ABCC1: variants seen among roughly 807,000 people sequenced by gnomAD.
ABCC1 encodes multidrug resistance-associated protein 1.
ABCC1 carries 83 observed loss-of-function variants against 172.9 expected under a neutral mutation model. The ratio of observed to expected loss-of-function variants is 0.48; its 90% CI spans 0.40 to 0.58. The LOEUF (loss-of-function observed/expected upper bound fraction) is 0.58. Among genes scored for constraint, ABCC1 ranks in the 20% least tolerant of loss-of-function variants. ABCC1 has a pLI of 0.00. For synonymous variants in ABCC1, 937 were observed against 825.2 expected (o/e 1.14, Z -2.32); for missense variants, 1,817 against 2,002.7 (o/e 0.91, Z 1.77).
intron 8 of ABCC1, among the ~76,000 whole-genome samples, chr16:16,045,209 C>T (rs540259740): frequency 6.6e-6 from 1 of 151,916 alleles, no homozygotes; most frequent in East Asian, 2.0e-4. Context: ...CAAGACCAGC[C>T]TGGCCAGCAT....
intron 19 of ABCC1, 73 bp from the exon 20 acceptor site, chr16:16,102,554 G>A (rs1020873166): frequency 2.0e-5 from 29 of 1,420,998 alleles, no homozygotes; most frequent in African/African-American, 4.3e-5. Flanking sequence ...TGAAGTGGCC[G>A]GTTTTTGTTG....
Position 16,036,540 on chromosome 16 carries a change from C to G in ABCC1, c.746C>G (p.Thr249Arg). The G allele has an allele frequency of 2.5e-6, 4 of 1,614,052 alleles. No individual in the cohort carries two copies. In the South Asian group the frequency reaches 3.3e-5, roughly 13 times the overall value. Reference sequence around the variant, plus strand: ...CTCTGGTCCTTAAACAAGGAGGACACGTCGGAACAAGTCGTGCCTGTTTTG... The same window carrying G: ...CTCTGGTCCTTAAACAAGGAGGACAGGTCGGAACAAGTCGTGCCTGTTTTG... Reference protein sequence around the residue: ...SDLWSLNKEDTSEQVVPVLVK... With the variant: ...SDLWSLNKEDRSEQVVPVLVK... The change falls in exon 7 of 31, where the codon ACG (threonine) becomes AGG (arginine). Residue 249 changes from threonine to arginine, a missense_variant. Thr to Arg is a moderately conservative substitution (Grantham distance 71). Transcript: ENST00000399410.
chr16:16,023,218 T>A (rs1419461056), intron 5 of ABCC1, among the ~76,000 whole-genome samples: 1 of 152,210 alleles, frequency 6.6e-6, no homozygotes, highest in African/African-American at 2.4e-5. Flanking sequence ...CTAGTTTTTT[T>A]GATATCTGAA....
intron 7 of ABCC1, among the ~76,000 whole-genome samples, chr16:16,037,275 C>T (rs2048793534): frequency 1.3e-5 from 2 of 152,094 alleles, no homozygotes; most frequent in Admixed American, 6.6e-5. Flanking sequence ...CAGCTGACCA[C>T]GTAAGTCTGT....
intron 20 of ABCC1, among the ~76,000 whole-genome samples, chr16:16,103,396 A>G (rs1033740712): frequency 3.3e-5 from 5 of 151,866 alleles, no homozygotes; most frequent in African/African-American, 4.8e-5. Context: ...CCTGGCCAAC[A>G]TGATGAAACC....
At chr16:16,136,317 C>A (rs1296093392) in intron 28 of ABCC1, among the ~76,000 whole-genome samples, 161 bp from the exon 29 acceptor site, 3 of 152,164 alleles carry the variant, frequency 2.0e-5, no homozygotes, top group Non-Finnish European at 4.4e-5. Flanking sequence ...AACCACCGTA[C>A]CTGGCCTTTT....
At chr16:16,130,169 T>A (rs766543901) in intron 26 of ABCC1, among the ~76,000 whole-genome samples, 1 of 152,206 alleles carries the variant, frequency 6.6e-6, no homozygotes, top group Admixed American at 6.5e-5. Flanking sequence ...GAAAGGACCC[T>A]CCCACATGGG....
intron 21 of ABCC1, among the ~76,000 whole-genome samples, chr16:16,111,060 C>T (rs1045439941): frequency 3.3e-5 from 5 of 152,224 alleles, no homozygotes; most frequent in Middle Eastern, 3.4e-3. Context: ...ACCACACACC[C>T]GGCTAACTTT....
At chr16:16,110,962 G>T (rs2052360817) in intron 21 of ABCC1, among the ~76,000 whole-genome samples, 1 of 152,132 alleles carries the variant, frequency 6.6e-6, no homozygotes, top group Admixed American at 6.5e-5. Flanking sequence ...GTGCAGTGGG[G>T]CAATCTTGGC....
At chr16:16,087,543 C>T (rs561041521) in intron 18 of ABCC1, among the ~76,000 whole-genome samples, 6 of 152,212 alleles carry the variant, frequency 3.9e-5, no homozygotes, top group South Asian at 2.1e-4. Flanking sequence ...CTGCAACCTC[C>T]GCATCTCGGG....
rs1331414268 is a variant in ABCC1 at position 16,094,289 on chromosome 16, G to A, written c.2644+3701G>A. 3 of 265,420 alleles carry A rather than the reference G, an allele frequency of 1.1e-5. No individual in the cohort carries two copies. In the Admixed American group the frequency reaches 1.2e-4, roughly 11 times the overall value. The allele number at this position is 265,420 out of a possible 1,614,324, so 16.4% of individuals were successfully genotyped here. ...CTGCATCTGAACCCTTAAGTTCAGTGTGACTCTCTGTATTTTTAAGCATGT... is the reference window on the plus strand; with the variant it reads ...CTGCATCTGAACCCTTAAGTTCAGTATGACTCTCTGTATTTTTAAGCATGT... On this transcript the variant is annotated intron_variant, in intron 19 of 30. Transcript: ENST00000399410.
chr16:16,111,472 T>A lies in ABCC1; in HGVS notation c.2969T>A (p.Leu990Gln). 2 of 1,614,200 alleles carry A rather than the reference T, an allele frequency of 1.2e-6. No individual in the cohort carries two copies. The highest frequency in any genetic ancestry group is 1.7e-6 in the Non-Finnish European group (2 of 1,180,014). ...TTCATGTGTAACCATGTGTCCGCGC[T>A]GGCTTCCAACTATTGGCTCAGCCTC... ...FLFMCNHVSA[L>Q]ASNYWLSLWT... is the part of the protein sequence containing the mutation. Residue 990 changes from leucine to glutamine, a missense_variant, in exon 22 of 31, where the codon CTG becomes CAG. By Grantham distance (113) the Leu-to-Gln change is moderately radical. Coordinates refer to ENST00000399410, the MANE Select transcript of ABCC1 (RefSeq NM_004996.4).
chr16:16,116,417 T>G (rs1350906921), intron 23 of ABCC1, among the ~76,000 whole-genome samples: 1 of 152,194 alleles, frequency 6.6e-6, no homozygotes, highest in African/African-American at 2.4e-5. Context: ...CTACATATCC[T>G]GTTTTTTTCT....
Position 16,114,957 on chromosome 16 carries a change from A to T in ABCC1, c.3271A>T (p.Ile1091Phe). ...DTVDSMIPEV[I>F]KMFMGSLFNV... ...AGTGGACTCCATGATCCCGGAGGTC[A>T]TCAAGATGTTCATGGGCTCCCTGTT... Residue 1091 changes from isoleucine (I) to phenylalanine (F), a missense_variant, in exon 23 of 31, where the codon ATC (isoleucine) becomes TTC (phenylalanine). Ile to Phe is a conservative substitution (Grantham distance 21). Transcript: ENST00000399410. The T allele has an allele frequency of 6.2e-7, 1 of 1,614,190 alleles. No individual in the cohort carries two copies. The highest frequency in any genetic ancestry group is 8.5e-7 in the Non-Finnish European group (1 of 1,180,030).
At chr16:16,082,632 C>T (rs920800587) in intron 16 of ABCC1, among the ~76,000 whole-genome samples, 1 of 152,118 alleles carries the variant, frequency 6.6e-6, no homozygotes, top group Non-Finnish European at 1.5e-5. Context: ...TCCCGGATGT[C>T]CCAAACTAGG....
chr16:16,032,850 A>G (rs137933780), intron 5 of ABCC1, among the ~76,000 whole-genome samples: 2 of 152,286 alleles, frequency 1.3e-5, no homozygotes, highest in African/African-American at 4.8e-5. Context: ...GGGATAGAAG[A>G]CAAGGCAGGT....
Position 16,045,303 on chromosome 16 carries a change from C to T in ABCC1, c.1041-533C>T, listed in dbSNP as rs959476824. Among the ~76,000 whole-genome samples, 3 of 137,190 alleles carry T rather than the reference C, an allele frequency of 2.2e-5. No homozygotes were observed. In the Admixed American group the frequency reaches 2.4e-4, roughly 11 times the overall value. 90.0% of individuals were successfully genotyped at this position (137,190 alleles called of 152,430 possible). A position where few individuals can be genotyped will look rare whatever the true frequency, so the allele number is the denominator to read the frequency against. On this transcript the variant is annotated intron_variant, in intron 8 of 30. Transcript: ENST00000399410. Reference sequence around the variant, plus strand: ...ATCCCAGCTACTCAGGAGGCTGAGGCATAAAAATTGCTTGAACCCAGGAGG... The same window carrying T: ...ATCCCAGCTACTCAGGAGGCTGAGGTATAAAAATTGCTTGAACCCAGGAGG...
At chr16:15,973,040 C>A (rs145675990) in intron 1 of ABCC1, among the ~76,000 whole-genome samples, 2 of 151,960 alleles carry the variant, frequency 1.3e-5, no homozygotes, top group South Asian at 4.1e-4. Flanking sequence ...AGTCGTCTGC[C>A]CACCTCAGCC....
intron 1 of ABCC1, among the ~76,000 whole-genome samples, chr16:15,977,179 C>G (rs140994312): frequency 6.6e-6 from 1 of 152,234 alleles, no homozygotes; most frequent in East Asian, 1.9e-4. Context: ...TTTCCAGTTT[C>G]CTGTTCTTAG....
Sources: allele counts gnomAD v4.1 joint callset (sites outside exome capture counted in the v4.1 genomes callset), GRCh38; gene constraint gnomAD v4.1.1; transcripts MANE v1.5; gene names NCBI Gene and HGNC (gene_info 2026-07-23, HGNC 2026-07-21).